Variants in SAMD12 observed in about 807,000 individuals in gnomAD.
The protein encoded by SAMD12 is sterile alpha motif domain containing 12.
SAMD12 carries 9 observed loss-of-function variants against 15.0 expected under a neutral mutation model. The ratio of observed to expected loss-of-function variants is 0.60; its 90% confidence interval spans 0.36 to 1.05. The LOEUF (loss-of-function observed/expected upper bound fraction) is 1.05, where lower values mean the gene tolerates loss of function less well. Ranked by LOEUF, SAMD12 falls within the 50% of genes least tolerant of loss-of-function variation. The pLI is 0.01. For synonymous variants in SAMD12, 86 were observed against 90.1 expected, an observed-to-expected ratio of 0.96 and a Z score of 0.25; for missense variants, 230 against 234.2, an observed-to-expected ratio of 0.98 and a Z score of 0.12.
At chr8:118,282,615 A>C (rs942808771) in intron 4 of SAMD12, among the ~76,000 whole-genome samples, 1 of 152,160 alleles carries the variant, frequency 6.6e-6, no homozygotes, top group Non-Finnish European at 1.5e-5. Flanking sequence ...ATTCTTTATG[A>C]AATGAAAATG....
chr8:118,306,215 A>G (rs149662334), intron 4 of SAMD12, among the ~76,000 whole-genome samples: 1 of 152,278 alleles, frequency 6.6e-6, no homozygotes, highest in Non-Finnish European at 1.5e-5. Context: ...TCCTGACTAG[A>G]ACCTCACTGA....
At chr8:118,440,131 C>T (rs1199699906) in intron 2 of SAMD12, among the ~76,000 whole-genome samples, 170 bp from the exon 3 acceptor site, 1 of 152,122 alleles carries the variant, frequency 6.6e-6, no homozygotes, top group Non-Finnish European at 1.5e-5. Context: ...TGCTGAAAAG[C>T]ACAAAGAAAG....
intron 2 of SAMD12, among the ~76,000 whole-genome samples, chr8:118,547,299 C>T (rs924697205): frequency 5.3e-5 from 8 of 152,130 alleles, no homozygotes; most frequent in Non-Finnish European, 7.4e-5. Flanking sequence ...GAATGTCCAT[C>T]GCCAATTTGT....
intron 4 of SAMD12, among the ~76,000 whole-genome samples, chr8:118,341,098 G>A (rs1817342508): frequency 6.6e-6 from 1 of 152,174 alleles, no homozygotes; most frequent in African/African-American, 2.4e-5. Flanking sequence ...TTCTTCATTT[G>A]TGTATCTGGC....
chr8:118,287,738 G>C (rs11562706), intron 4 of SAMD12, among the ~76,000 whole-genome samples: 2,490 of 152,268 alleles, frequency 0.016, 79 homozygotes, highest in African/African-American at 0.056. Flanking sequence ...TTGGTTTTCT[G>C]TGATTGTTGT....
chr8:118,417,838 A>G (rs1468431667), intron 3 of SAMD12, among the ~76,000 whole-genome samples: 1 of 152,238 alleles, frequency 6.6e-6, no homozygotes, highest in Admixed American at 6.5e-5. Context: ...ATCATTAACA[A>G]CAATTTCTTT....
At chr8:118,502,429 T>C (rs1225923458) in intron 2 of SAMD12, among the ~76,000 whole-genome samples, 1 of 152,080 alleles carries the variant, frequency 6.6e-6, no homozygotes, top group Non-Finnish European at 1.5e-5. Context: ...ATGTCCTAAT[T>C]CACATAGACA....
the SAMD12 span, among the ~76,000 whole-genome samples, chr8:118,153,086 T>G: frequency 6.6e-6 from 1 of 152,238 alleles, no homozygotes; most frequent in African/African-American, 2.4e-5. Flanking sequence ...CATAAGCATA[T>G]TTTTCACTTG....
chr8:118,410,587 C>A (rs957231585), intron 3 of SAMD12, among the ~76,000 whole-genome samples: 1 of 152,178 alleles, frequency 6.6e-6, no homozygotes, highest in Non-Finnish European at 1.5e-5. Context: ...ACAGAAGAAG[C>A]TCAATTATCC....
chr8:118,310,234 C>T (rs1815563195), intron 4 of SAMD12, among the ~76,000 whole-genome samples: 1 of 152,160 alleles, frequency 6.6e-6, no homozygotes, highest in African/African-American at 2.4e-5. Context: ...TGTTTGGTCT[C>T]CTTTTTTTTC....
intron 3 of SAMD12, among the ~76,000 whole-genome samples, chr8:118,391,489 T>A (rs892765933): frequency 6.6e-6 from 1 of 152,220 alleles, no homozygotes; most frequent in African/African-American, 2.4e-5. Flanking sequence ...AACAAGCATC[T>A]TCTTGCCCCT....
chr8:118,546,999 A>T (rs1427852144), intron 2 of SAMD12, among the ~76,000 whole-genome samples: 1 of 152,234 alleles, frequency 6.6e-6, no homozygotes, highest in Non-Finnish European at 1.5e-5. Context: ...GACAAAAGCC[A>T]TACTGAAAAA....
chr8:118,445,109 T>G (rs1822872433), intron 2 of SAMD12, among the ~76,000 whole-genome samples: 1 of 152,166 alleles, frequency 6.6e-6, no homozygotes, highest in Admixed American at 6.5e-5. Flanking sequence ...TCTCTTTTAT[T>G]AACTTTTATT....
At chr8:118,159,694 T>C in the SAMD12 span, among the ~76,000 whole-genome samples, 5 of 147,694 alleles carry the variant, frequency 3.4e-5, no homozygotes, top group Admixed American at 7.0e-5. Context: ...TCTGATACTA[T>C]ATAACAAATT....
At chr8:118,136,745 G>A in the SAMD12 span, among the ~76,000 whole-genome samples, 1 of 152,202 alleles carries the variant, frequency 6.6e-6, no homozygotes, top group Admixed American at 6.5e-5. Context: ...TGGAAACCAG[G>A]GTAGGGGAGT....
intron 2 of SAMD12, among the ~76,000 whole-genome samples, chr8:118,539,511 G>C (rs765687152): frequency 1.5e-4 from 23 of 151,988 alleles, no homozygotes; most frequent in Non-Finnish European, 3.1e-4. Flanking sequence ...TATCTGATTG[G>C]GCTCATAGTG....
chr8:118,180,421 C>T, the SAMD12 span, among the ~76,000 whole-genome samples: 1 of 152,288 alleles, frequency 6.6e-6, no homozygotes, highest in Non-Finnish European at 1.5e-5. Context: ...CCTTCTATCT[C>T]ATTCCTGCCC....
chr8:118,173,510 G>A, the SAMD12 span, among the ~76,000 whole-genome samples: 1 of 150,434 alleles, frequency 6.6e-6, no homozygotes. Context: ...TCTTTTATGC[G>A]ATGGGCTATT....
At chr8:118,494,460 T>G (rs1342624864) in intron 2 of SAMD12, among the ~76,000 whole-genome samples, 1 of 152,210 alleles carries the variant, frequency 6.6e-6, no homozygotes, top group Non-Finnish European at 1.5e-5. Flanking sequence ...ATGCATTTCA[T>G]GAAATTACAT....
Sources: allele counts gnomAD v4.1 joint callset (sites outside exome capture counted in the v4.1 genomes callset), GRCh38; gene constraint gnomAD v4.1.1; transcripts MANE v1.5; gene names NCBI Gene and HGNC (gene_info 2026-07-23, HGNC 2026-07-21).